Variants in TAS2R42 observed in about 807,000 individuals in gnomAD.
TAS2R42 encodes the protein taste 2 receptor member 42.
For synonymous variants in TAS2R42, 138 were observed against 133.0 expected (o/e 1.04, Z -0.26); for missense variants, 356 against 356.9 (o/e 1.00, Z 0.02).
Position 11,186,700 on chromosome 12 carries a change from T to C in TAS2R42, c.238A>G (p.Arg80Gly). The C allele has an allele frequency of 3.7e-6, 6 of 1,614,116 alleles. No homozygotes were observed. The Admixed American group carries it at 8.3e-5, about 22-fold the overall frequency. Residue 80 changes from arginine to glycine, a missense_variant, in exon 1 of 1, where the codon AGA becomes GGA. Arg to Gly is a moderately radical substitution (Grantham distance 125). Transcript: ENST00000334266. ...AGCATAATAACAGTTTTTCCTAGTC[T>C]ATATGTGGTATATAAATGTGAAGCA... ...GLASHLYTTY[R>G]LGKTVIMLWH...
rs752186513 is a variant in TAS2R42 at position 11,186,930 on chromosome 12, G to A, written c.8C>T (p.Thr3Ile). The stretch of plus-strand genomic sequence containing the variant: ...AATCAGAAAGATTTTGTCCAATTCG[G>A]TGGCCATCTCCAGAGACAAAAAAAT... MA[T>I]ELDKIFLILA... Residue 3 changes from threonine (T) to isoleucine (I), a missense_variant, in exon 1 of 1, where the codon ACC (threonine) becomes ATC (isoleucine). By Grantham distance (89) the Thr-to-Ile change is moderately conservative. Transcript: ENST00000334266. 6 of 1,589,878 alleles carry A rather than the reference G, an allele frequency of 3.8e-6. No individual in the cohort carries two copies. In the East Asian group the frequency reaches 9.1e-5, roughly 24 times the overall value.
At position 11,186,820 on chromosome 12, in the gene TAS2R42, T is replaced by C; in HGVS notation, c.118A>G (p.Lys40Glu). The change falls in exon 1 of 1, where the codon AAG (lysine) becomes GAG (glutamate). Residue 40 changes from lysine (K) to glutamate (E), a missense_variant. Physicochemically the swap from Lys to Glu is moderately conservative, Grantham distance 56 (BLOSUM62 1). Transcript: ENST00000334266. The stretch of plus-strand genomic sequence containing the variant: ...AGGATGAAGTCAGCTGAGAAGACCT[T>C]TTGGTTCTTGATCCCTTCAGAGCAG... The part of the protein sequence containing the change: ...VNCSEGIKNQ[K>E]VFSADFILTC... 3 of 1,614,094 alleles carry C rather than the reference T, an allele frequency of 1.9e-6. No homozygotes were observed. Among genetic ancestry groups the C allele is most frequent in the Non-Finnish European group, 2.5e-6 (3 of 1,180,000 alleles).
rs901558952 is a variant in TAS2R42, at chr12:11,186,365, G to T, written c.573C>A (p.Ile191=). ...AGGAGGTCAGGAACAGAGAAAAGGG[G>T]ATAAAACTGGTCAAGCTGAGAAGAG... The part of the protein sequence containing the change: ...LKTLLSLTSF[I]PFSLFLTSLL... The change falls in exon 1 of 1, where the codon ATC becomes ATA. Residue 191 remains isoleucine (I), a synonymous_variant. Transcript: ENST00000334266. 16 of 1,611,352 alleles carry T rather than the reference G, an allele frequency of 9.9e-6. No homozygotes were observed. Among genetic ancestry groups the T allele is most frequent in the Middle Eastern group, 3.3e-4 (2 of 6,046 alleles).
chr12:11,186,126 A>G lies in TAS2R42; in HGVS notation c.812T>C (p.Leu271Ser). The G allele has an allele frequency of 6.2e-7, 1 of 1,614,028 alleles. No individual in the cohort carries two copies. ...GCACGAGGGAAAGGCATTTAAGGCT[A>G]ACATGACAAACTTTATGCACTTGTT... ...WNNKCIKFVMLALNAFPSCHS... is the reference protein window; with the variant it reads ...WNNKCIKFVMSALNAFPSCHS... The change falls in exon 1 of 1, where the codon TTA becomes TCA. Residue 271 changes from leucine to serine, a missense_variant. Transcript: ENST00000334266.
chr12:11,186,286 A>G lies in TAS2R42; in HGVS notation c.652T>C (p.Ser218Pro). The change falls in exon 1 of 1, where the codon TCC becomes CCC. Residue 218 changes from serine (S) to proline (P), a missense_variant. Physicochemically the swap from Ser to Pro is moderately conservative, Grantham distance 74. Coordinates refer to ENST00000334266, the MANE Select transcript of TAS2R42 (RefSeq NM_181429.2). Reference protein sequence around the residue: ...VRHTRNLKLSSLGSRDSSTEA... With the variant: ...VRHTRNLKLSPLGSRDSSTEA... ...GTGCTGGAGTCTCTAGAGCCCAAGG[A>G]ACTGAGCTTCAAATTTCTAGTATGT... is the stretch of plus-strand genomic sequence containing the variant. 1 of 1,614,076 alleles carries G rather than the reference A, an allele frequency of 6.2e-7. No individual in the cohort carries two copies. The highest frequency in any genetic ancestry group is 1.7e-5 in the Admixed American group (1 of 60,010).
rs747866202 is a variant in TAS2R42 at position 11,186,834 on chromosome 12, C to G, written c.104G>C (p.Gly35Ala). Residue 35 changes from glycine (G) to alanine (A), a missense_variant, in exon 1 of 1, where the codon GGG (glycine) becomes GCG (alanine). Gly to Ala is a moderately conservative substitution (Grantham distance 60). Coordinates refer to ENST00000334266, the MANE Select transcript of TAS2R42 (RefSeq NM_181429.2). ...TGAGAAGACCTTTTGGTTCTTGATCCCTTCAGAGCAGTTTACCAGTCCAAT... is the reference window on the plus strand; with the variant it reads ...TGAGAAGACCTTTTGGTTCTTGATCGCTTCAGAGCAGTTTACCAGTCCAAT... ...VFIGLVNCSE[G>A]IKNQKVFSAD... is the part of the protein sequence containing the mutation. The G allele has an allele frequency of 5.0e-6, 8 of 1,614,040 alleles. No homozygotes were observed. Among genetic ancestry groups the G allele is most frequent in the South Asian group, 3.3e-5 (3 of 91,082 alleles).
Position 11,186,831 on chromosome 12 carries a change from A to T in TAS2R42, c.107T>A (p.Ile36Asn). Residue 36 changes from isoleucine to asparagine, a missense_variant, in exon 1 of 1, where the codon ATC becomes AAC. Ile to Asn is a moderately radical substitution (Grantham distance 149). Coordinates refer to ENST00000334266, the MANE Select transcript of TAS2R42 (RefSeq NM_181429.2). ...AGCTGAGAAGACCTTTTGGTTCTTG[A>T]TCCCTTCAGAGCAGTTTACCAGTCC... ...FIGLVNCSEG[I>N]KNQKVFSADF... The T allele has an allele frequency of 6.2e-7, 1 of 1,614,098 alleles. No individual in the cohort carries two copies. The highest frequency in any genetic ancestry group is 1.1e-5 in the South Asian group (1 of 91,080).
At position 11,186,459 on chromosome 12, in the gene TAS2R42, T is replaced by C. The variant is rs761843046; in HGVS notation, c.479A>G (p.Asp160Gly). 6.2e-7 allele frequency: 1 copy of C among 1,606,352 alleles called. No homozygotes were observed. The highest frequency in any genetic ancestry group is 1.3e-5 in the African/African-American group (1 of 74,508). ...TAAATATAAAGTCAGATTACTTTTA[T>C]CTATTATATTGAGTGAGATATCAAT... ...IFIDISLNIIDKSNLTLYLDE... is the reference protein window; with the variant it reads ...IFIDISLNIIGKSNLTLYLDE... Residue 160 changes from aspartate to glycine, a missense_variant, in exon 1 of 1, where the codon GAT becomes GGT. Transcript: ENST00000334266.
rs757401140 is a variant in TAS2R42, at chr12:11,186,251, A to G, written c.687T>C (p.His229=). Residue 229 remains histidine, a synonymous_variant, in exon 1 of 1, where the codon CAT becomes CAC. Coordinates refer to ENST00000334266, the MANE Select transcript of TAS2R42 (RefSeq NM_181429.2). The stretch of plus-strand genomic sequence containing the variant: ...ACATCACCATTTTCATGGCCCTCCT[A>G]TGGGCCTCTGTGCTGGAGTCTCTAG... ...LGSRDSSTEA[H]RRAMKMVMSF... The G allele has an allele frequency of 3.7e-6, 6 of 1,613,810 alleles. No individual in the cohort carries two copies. Among genetic ancestry groups the G allele is most frequent in the Non-Finnish European group, 4.2e-6 (5 of 1,179,886 alleles).
chr12:11,186,298 A>T lies in TAS2R42; in HGVS notation c.640T>A (p.Leu214Met), dbSNP rs768428348. 1.6e-5 allele frequency: 26 copies of T among 1,613,980 alleles called. No individual in the cohort carries two copies. The highest frequency in any genetic ancestry group is 1.5e-5 in the Non-Finnish European group (18 of 1,180,022). The change falls in exon 1 of 1, where the codon TTG becomes ATG. Residue 214 changes from leucine to methionine, a missense_variant. Leu to Met is a conservative substitution (Grantham distance 15, BLOSUM62 2). Coordinates refer to ENST00000334266, the MANE Select transcript of TAS2R42 (RefSeq NM_181429.2). ...FLSLVRHTRN[L>M]KLSSLGSRDS... Reference sequence around the variant, plus strand: ...CTAGAGCCCAAGGAACTGAGCTTCAAATTTCTAGTATGTCTCACCAAGGAC... The same window carrying T: ...CTAGAGCCCAAGGAACTGAGCTTCATATTTCTAGTATGTCTCACCAAGGAC...
In TAS2R42 at chr12:11,186,205, C is replaced by A. The variant is rs1182948876; in HGVS notation, c.733G>T (p.Val245Phe). The change falls in exon 1 of 1, where the codon GTT (valine) becomes TTT (phenylalanine). Residue 245 changes from valine (V) to phenylalanine (F), a missense_variant. Transcript: ENST00000334266. Reference protein sequence around the residue: ...MVMSFLFLFIVHFFSLQVANW... With the variant: ...MVMSFLFLFIFHFFSLQVANW... Reference sequence around the variant, plus strand: ...GCCACTTGTAAGGAAAAAAAATGAACTATGAAGAGGAAAAGGAAAGACATC... The same window carrying A: ...GCCACTTGTAAGGAAAAAAAATGAAATATGAAGAGGAAAAGGAAAGACATC... The A allele has an allele frequency of 6.2e-7, 1 of 1,613,606 alleles. No homozygotes were observed. Among genetic ancestry groups the A allele is most frequent in the South Asian group, 1.1e-5 (1 of 91,056 alleles).
chr12:11,186,598 A>G lies in TAS2R42; in HGVS notation c.340T>C (p.Phe114Leu). Residue 114 changes from phenylalanine (F) to leucine (L), a missense_variant, in exon 1 of 1, where the codon TTC becomes CTC. Physicochemically the swap from Phe to Leu is conservative, Grantham distance 22. Transcript: ENST00000334266. ...AGCCAGAGGAAAAGGGAGTGGGGGA[A>G]GTGGGCTATCTTAAAGAAATAGAAA... ...SIFYFFKIAHFPHSLFLWLRW... is the reference protein window; with the variant it reads ...SIFYFFKIAHLPHSLFLWLRW... 6.2e-7 allele frequency: 1 copy of G among 1,614,068 alleles called. No individual in the cohort carries two copies. Among genetic ancestry groups the G allele is most frequent in the Non-Finnish European group, 8.5e-7 (1 of 1,180,006 alleles).
In TAS2R42 at chr12:11,186,105, G is replaced by A. The variant is rs914333739; in HGVS notation, c.833C>T (p.Ser278Leu). The change falls in exon 1 of 1, where the codon TCG becomes TTG. Residue 278 changes from serine (S) to leucine (L), a missense_variant. Coordinates refer to ENST00000334266, the MANE Select transcript of TAS2R42 (RefSeq NM_181429.2). Reference protein sequence around the residue: ...FVMLALNAFPSCHSFILILGN... With the variant: ...FVMLALNAFPLCHSFILILGN... ...CAGAATGAGAATAAATGAGTGGCAC[G>A]AGGGAAAGGCATTTAAGGCTAACAT... 5.6e-6 allele frequency: 9 copies of A among 1,613,842 alleles called. No homozygotes were observed. The East Asian group carries it at 6.7e-5, about 12-fold the overall frequency.
At position 11,186,030 on chromosome 12, in the gene TAS2R42, C is replaced by A. The variant is rs753562677; in HGVS notation, c.908G>T (p.Arg303Met). The A allele has an allele frequency of 6.2e-7, 1 of 1,612,890 alleles. No individual in the cohort carries two copies. Among genetic ancestry groups the A allele is most frequent in the East Asian group, 2.2e-5 (1 of 44,880 alleles). The change falls in exon 1 of 1, where the codon AGG becomes ATG. Residue 303 changes from arginine (R) to methionine (M), a missense_variant. Arg to Met is a moderately conservative substitution (Grantham distance 91). Coordinates refer to ENST00000334266, the MANE Select transcript of TAS2R42 (RefSeq NM_181429.2). ...QTAVRLLWHL[R>M]NYTKTPNPLP... is the part of the protein sequence containing the mutation. ...AGGGTTTGGTGTTTTTGTATAGTTC[C>A]TAAGATGCCACAGTAGCCTCACAGC...
chr12:11,186,220 G>C lies in TAS2R42; in HGVS notation c.718C>G (p.Leu240Val), dbSNP rs765031381. 1 of 1,613,620 alleles carries C rather than the reference G, an allele frequency of 6.2e-7. No homozygotes were observed. Among genetic ancestry groups the C allele is most frequent in the Non-Finnish European group, 8.5e-7 (1 of 1,179,826 alleles). ...AAAAAATGAACTATGAAGAGGAAAA[G>C]GAAAGACATCACCATTTTCATGGCC... ...RRAMKMVMSF[L>V]FLFIVHFFSL... Residue 240 changes from leucine (L) to valine (V), a missense_variant, in exon 1 of 1, where the codon CTT becomes GTT. By Grantham distance (32) the Leu-to-Val change is conservative. Coordinates refer to ENST00000334266, the MANE Select transcript of TAS2R42 (RefSeq NM_181429.2).
In TAS2R42 at chr12:11,186,462, A is replaced by C. The variant is rs1323152757; in HGVS notation, c.476T>G (p.Ile159Arg). Residue 159 changes from isoleucine to arginine, a missense_variant, in exon 1 of 1, where the codon ATA (isoleucine) becomes AGA (arginine). Transcript: ENST00000334266. ...EIFIDISLNIIDKSNLTLYLD... is the reference protein window; with the variant it reads ...EIFIDISLNIRDKSNLTLYLD... ...ATATAAAGTCAGATTACTTTTATCTATTATATTGAGTGAGATATCAATAAA... is the reference window on the plus strand; with the variant it reads ...ATATAAAGTCAGATTACTTTTATCTCTTATATTGAGTGAGATATCAATAAA... 6.2e-7 allele frequency: 1 copy of C among 1,608,582 alleles called. No individual in the cohort carries two copies. The highest frequency in any genetic ancestry group is 1.1e-5 in the South Asian group (1 of 90,820).
chr12:11,186,324 A>G lies in TAS2R42; in HGVS notation c.614T>C (p.Leu205Pro), dbSNP rs1278328154. The G allele has an allele frequency of 1.1e-5, 17 of 1,614,108 alleles. No individual in the cohort carries two copies. Among genetic ancestry groups the G allele is most frequent in the Non-Finnish European group, 1.4e-5 (16 of 1,180,016 alleles). Residue 205 changes from leucine to proline, a missense_variant, in exon 1 of 1, where the codon CTG becomes CCG. Physicochemically the swap from Leu to Pro is moderately conservative, Grantham distance 98 (BLOSUM62 -3). Coordinates refer to ENST00000334266, the MANE Select transcript of TAS2R42 (RefSeq NM_181429.2). ...ATTTCTAGTATGTCTCACCAAGGAC[A>G]GAAATAAAAAAAGCAAGGAGGTCAG... ...LFLTSLLFLFLSLVRHTRNLK... is the reference protein window; with the variant it reads ...LFLTSLLFLFPSLVRHTRNLK...
chr12:11,186,196 A>C lies in TAS2R42; in HGVS notation c.742T>G (p.Phe248Val), dbSNP rs931319812. ...SFLFLFIVHF[F>V]SLQVANWIFF... Reference sequence around the variant, plus strand: ...ATCCAATTGGCCACTTGTAAGGAAAAAAAATGAACTATGAAGAGGAAAAGG... The same window carrying C: ...ATCCAATTGGCCACTTGTAAGGAAACAAAATGAACTATGAAGAGGAAAAGG... Residue 248 changes from phenylalanine (F) to valine (V), a missense_variant, in exon 1 of 1, where the codon TTT (phenylalanine) becomes GTT (valine). Transcript: ENST00000334266. 19 of 1,613,682 alleles carry C rather than the reference A, an allele frequency of 1.2e-5. No homozygotes were observed. Among genetic ancestry groups the C allele is most frequent in the Non-Finnish European group, 1.6e-5 (19 of 1,179,884 alleles).
chr12:11,186,618 T>TAGAA, the TAS2R42 span: 2 of 1,613,912 alleles, frequency 1.2e-6, no homozygotes, highest in Non-Finnish European at 8.5e-7. Context: ...CTTAAAGAAA[T>TAGAA]AGAAAATGCT....
Sources: gnomAD v4.1 joint callset for allele counts on GRCh38, gnomAD v4.1.1 for gene constraint, MANE v1.5 for transcripts, NCBI Gene and HGNC (gene_info 2026-07-23, HGNC 2026-07-21) for gene names.